The following ACAD10 variants were observed in gnomAD, a reference collection of about 807,000 sequenced individuals.
ACAD10 encodes the protein acyl-CoA dehydrogenase family member 10.
Under a neutral mutation model 116.8 loss-of-function variants are expected in ACAD10, and 112 were observed. That is an observed-to-expected ratio of 0.96 (90% CI 0.82 to 1.12). The LOEUF is 1.12. Among genes scored for constraint, ACAD10 ranks in the 50% most tolerant of loss-of-function variants. ACAD10 has a pLI of 0.00. For missense variants in ACAD10, 1,259 were observed against 1,350.2 expected (o/e 0.93, Z 1.06); for synonymous variants, 486 against 510.6 (o/e 0.95, Z 0.65).
intron 1 of ACAD10, among the ~76,000 whole-genome samples, chr12:111,689,465 T>C (rs775069091): frequency 1.8e-4 from 27 of 151,860 alleles, no homozygotes; most frequent in Non-Finnish European, 3.4e-4. Context: ...TCCACTTCCC[T>C]GGTTCAAGTG....
chr12:111,702,059 CA>C lies in ACAD10; in HGVS notation c.188-102del, dbSNP rs1355934354. 11 of 1,239,380 alleles carry C rather than the reference CA, an allele frequency of 8.9e-6. No homozygotes were observed. The East Asian group carries it at 2.6e-4, about 29-fold the overall frequency. 76.8% of individuals were successfully genotyped at this position (1,239,380 alleles called of 1,614,324 possible). On this transcript the variant is annotated intron_variant, in intron 2 of 20. Coordinates refer to ENST00000313698, the MANE Select transcript of ACAD10 (RefSeq NM_025247.6). ...AAATTTCCAACAGCATCCACCCTGGCAGTACAGCGAGTCCGTAGGAACTGGT... is the reference window on the plus strand; with the variant it reads ...AAATTTCCAACAGCATCCACCCTGGCGTACAGCGAGTCCGTAGGAACTGGT...
chr12:111,723,695 C>A (rs1301314135), intron 8 of ACAD10, among the ~76,000 whole-genome samples: 3 of 139,808 alleles, frequency 2.1e-5, no homozygotes, highest in African/African-American at 2.7e-5. Flanking sequence ...CCCCCCCCCC[C>A]ACCTCCCTCC....
chr12:111,729,563 T>G (rs1889327065), intron 9 of ACAD10, among the ~76,000 whole-genome samples: 1 of 152,150 alleles, frequency 6.6e-6, no homozygotes, highest in Admixed American at 6.5e-5. Context: ...GAGATCATAC[T>G]TGGAGACCAT....
At position 111,748,389 on chromosome 12, in the gene ACAD10, A is replaced by T. The variant is rs781319960; in HGVS notation, c.2558A>T (p.Gln853Leu). 3.1e-6 allele frequency: 5 copies of T among 1,614,052 alleles called. No homozygotes were observed. Among genetic ancestry groups the T allele is most frequent in the Non-Finnish European group, 4.2e-6 (5 of 1,180,046 alleles). ...GACCCACATGCACCAAGACACCGGCAGCAGTCTGTGCTCTTGGTTCCCATG... is the reference window on the plus strand; with the variant it reads ...GACCCACATGCACCAAGACACCGGCTGCAGTCTGTGCTCTTGGTTCCCATG... ...KTDPHAPRHRQQSVLLVPMDT... is the reference protein window; with the variant it reads ...KTDPHAPRHRLQSVLLVPMDT... Residue 853 changes from glutamine to leucine, a missense_variant, in exon 17 of 21, where the codon CAG (glutamine) becomes CTG (leucine). Physicochemically the swap from Gln to Leu is moderately radical, Grantham distance 113 (BLOSUM62 -2). Coordinates refer to ENST00000313698, the MANE Select transcript of ACAD10 (RefSeq NM_025247.6).
intron 9 of ACAD10, among the ~76,000 whole-genome samples, chr12:111,728,362 C>T (rs1371940126): frequency 6.6e-6 from 1 of 152,054 alleles, no homozygotes; most frequent in African/African-American, 2.4e-5. Flanking sequence ...AGTCTTTCTT[C>T]CCTGCAACTT....
In ACAD10 at chr12:111,755,662, T is replaced by G; in HGVS notation, c.2962-6T>G. 1 of 1,613,430 alleles carries G rather than the reference T, an allele frequency of 6.2e-7. No homozygotes were observed. Among genetic ancestry groups the G allele is most frequent in the South Asian group, 1.1e-5 (1 of 91,056 alleles). On this transcript the variant is annotated splice_region_variant and splice_polypyrimidine_tract_variant and intron_variant, in intron 19 of 20. Coordinates refer to ENST00000313698, the MANE Select transcript of ACAD10 (RefSeq NM_025247.6). ...CTTTTATGATCGCATCTCCTCCTCC[T>G]TACAGGCTGCAGCCTTGGATATAGC...
intron 4 of ACAD10, among the ~76,000 whole-genome samples, chr12:111,708,121 G>C (rs1013773740): frequency 6.6e-6 from 1 of 152,136 alleles, no homozygotes; most frequent in African/African-American, 2.4e-5. Context: ...TCTACATTTG[G>C]AAAAACACTG....
chr12:111,720,993 AG>A, intron 7 of ACAD10, among the ~76,000 whole-genome samples: 1 of 151,850 alleles, frequency 6.6e-6, no homozygotes, highest in Non-Finnish European at 1.5e-5. Context: ...CATGTTGGCC[AG>A]GGTGGTCTTG....
In ACAD10 at chr12:111,715,937, G is replaced by A; in HGVS notation, c.967G>A (p.Ala323Thr). 1 of 1,614,052 alleles carries A rather than the reference G, an allele frequency of 6.2e-7. No homozygotes were observed. The highest frequency in any genetic ancestry group is 8.5e-7 in the Non-Finnish European group (1 of 1,179,938). ...GCCCCCAGGGACACTCCTTCCATCT[G>A]CCCATGCCATAGAGAGGGAGTTCAG... ...KKPPGTLLPS[A>T]HAIEREFRIM... The change falls in exon 7 of 21, where the codon GCC (alanine) becomes ACC (threonine). Residue 323 changes from alanine to threonine, a missense_variant. Transcript: ENST00000313698.
At position 111,729,791 on chromosome 12, in the gene ACAD10, T is replaced by A. The variant is rs756843596; in HGVS notation, c.1244-15T>A. ...GCTGAAATTGCACACCAAGTTCTAA[T>A]CCTATTTCCCGCAGGGGACTATATT... On this transcript the variant is annotated splice_polypyrimidine_tract_variant and intron_variant, in intron 9 of 20. Transcript: ENST00000313698. The A allele has an allele frequency of 4.4e-6, 7 of 1,609,166 alleles. No homozygotes were observed. Among genetic ancestry groups the A allele is most frequent in the African/African-American group, 4.0e-5 (3 of 74,748 alleles).
intron 2 of ACAD10, 104 bp from the exon 3 acceptor site, chr12:111,702,058 G>T: frequency 8.1e-6 from 10 of 1,234,852 alleles, no homozygotes; most frequent in Non-Finnish European, 9.1e-6. Flanking sequence ...ATCCACCCTG[G>T]CAGTACAGCG....
intron 1 of ACAD10, among the ~76,000 whole-genome samples, chr12:111,692,446 G>T (rs967759987): frequency 6.6e-6 from 1 of 152,222 alleles, no homozygotes; most frequent in African/African-American, 2.4e-5. Flanking sequence ...TAGATAGGGC[G>T]AGGTGAGGTA....
intron 8 of ACAD10, among the ~76,000 whole-genome samples, chr12:111,723,121 G>A (rs1400654889): frequency 3.4e-5 from 5 of 145,662 alleles, no homozygotes; most frequent in South Asian, 2.2e-4. Flanking sequence ...CCTCCCAGAC[G>A]GGGCGGCTAG....
At chr12:111,752,012 C>T (rs569420291) in intron 18 of ACAD10, among the ~76,000 whole-genome samples, 56 of 149,826 alleles carry the variant, frequency 3.7e-4, no homozygotes, top group South Asian at 6.3e-4. Flanking sequence ...GAGCCGAGAT[C>T]GCACCATTGC....
intron 2 of ACAD10, 125 bp downstream of exon 2, chr12:111,693,021 C>G (rs531765235): frequency 9.0e-7 from 1 of 1,105,414 alleles, no homozygotes; most frequent in South Asian, 1.5e-5. Flanking sequence ...CTCTGGCTCT[C>G]GAGTCGAATT....
chr12:111,689,051 C>T (rs546290292), intron 1 of ACAD10, among the ~76,000 whole-genome samples: 6 of 150,126 alleles, frequency 4.0e-5, no homozygotes, highest in South Asian at 2.1e-4. Flanking sequence ...ATTAGCCAGG[C>T]GTGGTGGCAC....
chr12:111,691,560 G>GA (rs1888042909), intron 1 of ACAD10, among the ~76,000 whole-genome samples: 2 of 150,972 alleles, frequency 1.3e-5, no homozygotes, highest in South Asian at 2.1e-4. Flanking sequence ...AGGTTGAGAT[G>GA]AAAAAATGGG....
In ACAD10 at chr12:111,753,376, C is replaced by T. The variant is rs73203696; in HGVS notation, c.2818-396C>T. 6.7e-3 allele frequency: 2,716 copies of T among 407,490 alleles called. 10 individuals carry two copies. The highest frequency in any genetic ancestry group is 9.3e-3 in the Non-Finnish European group (1,879 of 203,078). 25.2% of individuals were successfully genotyped at this position (407,490 alleles called of 1,614,324 possible). A position where few individuals can be genotyped will look rare whatever the true frequency, so the allele number is the denominator to read the frequency against. On this transcript the variant is annotated intron_variant, in intron 18 of 20. Coordinates refer to ENST00000313698, the MANE Select transcript of ACAD10 (RefSeq NM_025247.6). ...GTCAGCAGAGGGCACCCTTCGCCTG[C>T]GCCGTGTGCAGTGCCTGCAGTCACT...
intron 3 of ACAD10, 149 bp downstream of exon 3, chr12:111,702,459 A>T: frequency 8.7e-7 from 1 of 1,154,906 alleles, no homozygotes; most frequent in Middle Eastern, 3.0e-4. Context: ...GGCCAGGCGC[A>T]GTGGCTCATG....
Sources: allele counts gnomAD v4.1 joint callset (sites outside exome capture counted in the v4.1 genomes callset), GRCh38; gene constraint gnomAD v4.1.1; transcripts MANE v1.5; gene names NCBI Gene and HGNC (gene_info 2026-07-23, HGNC 2026-07-21).